Variants in THAP9 observed in about 807,000 individuals in gnomAD.
The protein encoded by THAP9 is DNA transposase THAP9.
THAP9 carries 20 observed loss-of-function variants against 35.7 expected under a neutral mutation model. The ratio of observed to expected loss-of-function variants is 0.56; its 90% confidence interval spans 0.39 to 0.81. The LOEUF (loss-of-function observed/expected upper bound fraction) is 0.81, where lower values mean the gene tolerates loss of function less well. Ranked by LOEUF, THAP9 falls within the 40% of genes least tolerant of loss-of-function variation. The pLI, the probability that THAP9 is intolerant of heterozygous loss-of-function variation, is 0.00. For missense variants in THAP9, 870 were observed against 1,047.4 expected (o/e 0.83, Z 2.34); for synonymous variants, 335 against 373.7 (o/e 0.90, Z 1.19).
intron 1 of THAP9, 149 bp from the exon 2 acceptor site, chr4:82,904,587 A>G (rs957591472): frequency 1.3e-6 from 1 of 750,342 alleles, no homozygotes; most frequent in Non-Finnish European, 2.0e-6. Context: ...AGAACTTTGA[A>G]AAATGAACTA....
chr4:82,901,147 A>C (rs1035961457), intron 1 of THAP9: 24 of 672,506 alleles, frequency 3.6e-5, no homozygotes, highest in Non-Finnish European at 6.6e-5. Context: ...GGAGTCCTCC[A>C]TTAATTGGAT....
At chr4:82,908,832 G>A (rs916972208) in intron 4 of THAP9, among the ~76,000 whole-genome samples, 2 of 152,114 alleles carry the variant, frequency 1.3e-5, no homozygotes, top group Non-Finnish European at 2.9e-5. Flanking sequence ...CTGGCCTCAA[G>A]TGATCTACCC....
intron 4 of THAP9, among the ~76,000 whole-genome samples, chr4:82,908,816 G>A (rs1276165297): frequency 1.3e-5 from 2 of 151,998 alleles, no homozygotes; most frequent in South Asian, 2.1e-4. Context: ...GGCTGATCTC[G>A]AACCCCTGGC....
rs531170127 is a variant in THAP9, at chr4:82,919,766, A to G, written c.*842A>G. On this transcript the variant is annotated 3_prime_UTR_variant, in exon 5 of 5. Transcript: ENST00000302236. ...TTTGAAAAGAGGGACAGAAAAACAT[A>G]GGTAACTCTACTTTCACAAATGAGG... The G allele has an allele frequency of 6.6e-6, 1 of 152,358 alleles. No individual in the cohort carries two copies. Among genetic ancestry groups the G allele is most frequent in the South Asian group, 2.1e-4 (1 of 4,834 alleles). The allele number at this position is 152,358 out of a possible 1,614,324, so 9.4% of individuals were successfully genotyped here. A position where few individuals can be genotyped will look rare whatever the true frequency, so the allele number is the denominator to read the frequency against.
At chr4:82,915,671 G>T (rs1163586307) in intron 4 of THAP9, among the ~76,000 whole-genome samples, 1 of 151,852 alleles carries the variant, frequency 6.6e-6, no homozygotes. Context: ...TCATCCCTTG[G>T]TATATGTGGG....
intron 1 of THAP9, 77 bp downstream of exon 1, chr4:82,900,959 C>T (rs1052476509): frequency 6.5e-7 from 1 of 1,540,318 alleles, no homozygotes; most frequent in Non-Finnish European, 8.9e-7. Flanking sequence ...TGGGGCGGGG[C>T]CGGGCCGCAC....
rs763285885 is a variant in THAP9, at chr4:82,900,809, C to T, written c.7C>T (p.Arg3Ter). 7 of 1,613,580 alleles carry T rather than the reference C, an allele frequency of 4.3e-6. No individual in the cohort carries two copies. The East Asian group carries it at 8.9e-5, about 21-fold the overall frequency. ...GGCCCCACGTAACAAGAAGATGACC[C>T]GAAGTTGCTCCGCAGTGGGCTGCAG... is the stretch of plus-strand genomic sequence containing the variant. MT[R>*]SCSAVGCSTR... is the part of the protein sequence containing the mutation. Residue 3 changes from arginine to a stop codon, truncating the protein, a stop_gained, in exon 1 of 5, where the codon CGA becomes TGA. Transcript: ENST00000302236. LOFTEE classifies it high-confidence loss of function.
Position 82,918,246 on chromosome 4 carries a change from T to C in THAP9, c.2034T>C (p.Tyr678=). Residue 678 remains tyrosine (Y), a synonymous_variant, in exon 5 of 5, where the codon TAT becomes TAC. Transcript: ENST00000302236. ...CGCTTTGGACAGTTCAACGTCAGTA[T>C]GGTGTCAGCGTTACAAAGACTGTCT... ...DLALWTVQRQ[Y]GVSVTKTVFH... 2 of 1,614,194 alleles carry C rather than the reference T, an allele frequency of 1.2e-6. No homozygotes were observed. Among genetic ancestry groups the C allele is most frequent in the Non-Finnish European group, 1.7e-6 (2 of 1,180,016 alleles).
intron 1 of THAP9, among the ~76,000 whole-genome samples, chr4:82,901,652 T>C (rs1463395487): frequency 6.6e-6 from 1 of 152,100 alleles, no homozygotes; most frequent in Non-Finnish European, 1.5e-5. Context: ...TTTAAAAATG[T>C]AAATGCCAGG....
At chr4:82,908,911 CT>C (rs57014113) in intron 4 of THAP9, among the ~76,000 whole-genome samples, 63,618 of 143,530 alleles carry the variant, frequency 0.44, 16,239 homozygotes, top group Admixed American at 0.59. Flanking sequence ...TTACAGATTC[CT>C]TTTTTTTTTT....
Position 82,918,551 on chromosome 4 carries a change from G to A in THAP9, c.2339G>A (p.Arg780Lys). The A allele has an allele frequency of 5.0e-6, 8 of 1,614,070 alleles. No homozygotes were observed. The highest frequency in any genetic ancestry group is 1.3e-5 in the African/African-American group (1 of 75,038). ...ATAAATATTTGTGAGCGAGTTGTAA[G>A]AACCCATTCAAGAATGGCAATTTTT... ...RVINICERVV[R>K]THSRMAIFEL... is the part of the protein sequence containing the mutation. The change falls in exon 5 of 5, where the codon AGA becomes AAA. Residue 780 changes from arginine (R) to lysine (K), a missense_variant. By Grantham distance (26) the Arg-to-Lys change is conservative. Coordinates refer to ENST00000302236, the MANE Select transcript of THAP9 (RefSeq NM_024672.6).
intron 4 of THAP9, among the ~76,000 whole-genome samples, chr4:82,908,912 T>C (rs534597553): frequency 2.2e-4 from 11 of 49,440 alleles, no homozygotes; most frequent in Admixed American, 1.2e-3. Context: ...TACAGATTCC[T>C]TTTTTTTTTT....
intron 4 of THAP9, among the ~76,000 whole-genome samples, chr4:82,911,122 C>T (rs1421763983): frequency 1.3e-5 from 2 of 151,892 alleles, no homozygotes; most frequent in South Asian, 2.1e-4. Flanking sequence ...AGAAAATTGG[C>T]GATGTATAAG....
At chr4:82,916,916 G>A (rs377556286) in intron 4 of THAP9, 28 bp from the exon 5 acceptor site, 4 of 1,480,392 alleles carry the variant, frequency 2.7e-6, no homozygotes, top group African/African-American at 1.4e-5. Flanking sequence ...TTCTCTTTGA[G>A]TGTTCTTTCA....
intron 2 of THAP9, among the ~76,000 whole-genome samples, chr4:82,905,338 G>T (rs1720601254): frequency 1.3e-5 from 2 of 152,124 alleles, no homozygotes; most frequent in African/African-American, 4.8e-5. Flanking sequence ...ATTGATACAG[G>T]AAGTATGTGG....
At position 82,917,326 on chromosome 4, in the gene THAP9, A is replaced by ACATCTGATGCCACAGCACATAGTGG; in HGVS notation, c.1138_1139insGCATCTGATGCCACAGCACATAGTG (p.Val380GlyfsTer3). The ACATCTGATGCCACAGCACATAGTGG allele has an allele frequency of 1.2e-6, 2 of 1,613,786 alleles. No homozygotes were observed. The highest frequency in any genetic ancestry group is 1.7e-6 in the Non-Finnish European group (2 of 1,179,736). On this transcript the variant is annotated frameshift_variant, in exon 5 of 5. Coordinates refer to ENST00000302236, the MANE Select transcript of THAP9 (RefSeq NM_024672.6). LOFTEE classifies it high-confidence loss of function. Reference sequence around the variant, plus strand: ...CATAGGAATCACAGTTCTGGCTGTTACATCTGATGCCACAGCACATAGTGT... The same window carrying ACATCTGATGCCACAGCACATAGTGG: ...CATAGGAATCACAGTTCTGGCTGTTACATCTGATGCCACAGCACATAGTGGCATCTGATGCCACAGCACATAGTGT...
intron 1 of THAP9, chr4:82,901,084 T>A (rs1463631505): frequency 4.1e-6 from 3 of 729,728 alleles, no homozygotes; most frequent in East Asian, 5.4e-5. Context: ...AGTGTTTACC[T>A]CTGAATAGCC....
rs1196662400 is a variant in THAP9, at chr4:82,917,351, T to G, written c.1139T>G (p.Val380Gly). ...AVTSDATAHS[V>G]QMAKALGIHI... ...ACATCTGATGCCACAGCACATAGTG[T>G]TCAGATGGCAAAAGCATTGGGGATA... Residue 380 changes from valine (V) to glycine (G), a missense_variant, in exon 5 of 5, where the codon GTT (valine) becomes GGT (glycine). Transcript: ENST00000302236. 1.9e-6 allele frequency: 3 copies of G among 1,613,436 alleles called. No individual in the cohort carries two copies. The Admixed American group carries it at 5.0e-5, about 27-fold the overall frequency.
rs1721181887 is a variant in THAP9 at position 82,919,882 on chromosome 4, T to C, written c.*958T>C. 1 of 152,230 alleles carries C rather than the reference T, an allele frequency of 6.6e-6. No homozygotes were observed. Among genetic ancestry groups the C allele is most frequent in the African/African-American group, 2.4e-5 (1 of 41,464 alleles). The allele number at this position is 152,230 out of a possible 1,614,324, so 9.4% of individuals were successfully genotyped here. On this transcript the variant is annotated 3_prime_UTR_variant, in exon 5 of 5. Transcript: ENST00000302236. The stretch of plus-strand genomic sequence containing the variant: ...TGTCACTGAATAAGTGTTCCCAAAG[T>C]ACAGTTAATCCTAATATGAAAACTT...
Sources: allele counts gnomAD v4.1 joint callset (sites outside exome capture counted in the v4.1 genomes callset), GRCh38; gene constraint gnomAD v4.1.1; transcripts MANE v1.5; gene names NCBI Gene and HGNC (gene_info 2026-07-23, HGNC 2026-07-21).